The following VOPP1 variants were observed in gnomAD, a reference collection of about 807,000 sequenced individuals.
VOPP1 encodes the protein VOPP1 WW domain binding protein.
A neutral mutation model predicts 23.5 loss-of-function variants in VOPP1; 8 were observed. That is an observed-to-expected ratio of 0.34 (90% confidence interval 0.20 to 0.61). The LOEUF (loss-of-function observed/expected upper bound fraction) is 0.61. Ranked by LOEUF, VOPP1 falls within the 20% of genes least tolerant of loss-of-function variation. The pLI is 0.78. For missense variants in VOPP1, 174 were observed against 238.1 expected (o/e 0.73, Z 1.77); for synonymous variants, 83 against 97.3 (o/e 0.85, Z 0.86).
intron 2 of VOPP1, among the ~76,000 whole-genome samples, chr7:55,516,918 ATATATATATATATATTTTTTTTTTTTT>A (rs1795455717): frequency 3.1e-5 from 1 of 32,340 alleles, no homozygotes; most frequent in African/African-American, 1.6e-4. Flanking sequence ...ATATATATAT[ATATATATATATATATTTTTTTTTTTTT>A]TTTTTTTTTT....
At chr7:55,527,941 A>C (rs1325767994) in intron 1 of VOPP1, among the ~76,000 whole-genome samples, 1 of 39,176 alleles carries the variant, frequency 2.6e-5, no homozygotes, top group Admixed American at 3.1e-4. Context: ...ACAAGAGCAT[A>C]AGGGAAAAAA....
At chr7:55,485,840 C>T (rs1022650987) in intron 4 of VOPP1, among the ~76,000 whole-genome samples, 1 of 152,244 alleles carries the variant, frequency 6.6e-6, no homozygotes, top group African/African-American at 2.4e-5. Flanking sequence ...CTCATCCGCC[C>T]CTCGGAAGGG....
At chr7:55,474,943 T>C (rs2129008972) in intron 4 of VOPP1, among the ~76,000 whole-genome samples, 1 of 152,286 alleles carries the variant, frequency 6.6e-6, no homozygotes, top group East Asian at 1.9e-4. Context: ...TGATGTTCTC[T>C]CCCCAGCTGA....
chr7:55,546,374 C>T (rs752097254), intron 1 of VOPP1, among the ~76,000 whole-genome samples: 6 of 152,130 alleles, frequency 3.9e-5, no homozygotes, highest in African/African-American at 9.7e-5. Context: ...CTCTATGGAC[C>T]GTGAGGTGGT....
In VOPP1 at chr7:55,568,224, C is replaced by T. The variant is rs192123345; in HGVS notation, c.54+4047G>A. 4.0e-3 allele frequency among the ~76,000 whole-genome samples: 610 copies of T among 152,008 alleles called. 3 individuals are homozygous for T. The highest frequency in any genetic ancestry group is 8.7e-3 in the South Asian group (42 of 4,810). The stretch of plus-strand genomic sequence containing the variant: ...CCTCCCGAGTAGCTGGGACTACAGG[C>T]GCCCGCCACCACGCCCAGCTAATTT... On this transcript the variant is annotated intron_variant, in intron 1 of 4. Coordinates refer to ENST00000285279, the MANE Select transcript of VOPP1 (RefSeq NM_030796.5).
At chr7:55,516,932 ATTTTTTTTTTTTTTTT>A (rs71031862) in intron 2 of VOPP1, among the ~76,000 whole-genome samples, 4 of 45,154 alleles carry the variant, frequency 8.9e-5, no homozygotes, top group South Asian at 1.2e-3. Context: ...ATATATATAT[ATTTTTTTTTTTTTTTT>A]TTTTTTTTTT....
chr7:55,453,136 C>G (rs557119215), intron 4 of VOPP1, among the ~76,000 whole-genome samples: 12 of 152,240 alleles, frequency 7.9e-5, no homozygotes, highest in Non-Finnish European at 1.3e-4. Context: ...TCAGCACTTT[C>G]TGCTGCACCC....
chr7:55,571,087 G>A (rs963654472), intron 1 of VOPP1, among the ~76,000 whole-genome samples: 6 of 152,166 alleles, frequency 3.9e-5, no homozygotes, highest in Admixed American at 1.3e-4. Context: ...CTCAGAGAAT[G>A]TGATTCCTAA....
intron 1 of VOPP1, among the ~76,000 whole-genome samples, chr7:55,542,303 T>C (rs531695569): frequency 5.9e-5 from 9 of 152,332 alleles, no homozygotes; most frequent in African/African-American, 2.2e-4. Context: ...TTGAAATATA[T>C]AATTAATTTT....
At chr7:55,446,648 C>CAA (rs1791108569) in intron 4 of VOPP1, among the ~76,000 whole-genome samples, 1 of 152,206 alleles carries the variant, frequency 6.6e-6, no homozygotes, top group Admixed American at 6.5e-5. Flanking sequence ...TGATCTTCAA[C>CAA]AAACATCTTC....
chr7:55,492,458 G>C (rs780464596), intron 3 of VOPP1, 40 bp from the exon 4 acceptor site: 1 of 1,568,734 alleles, frequency 6.4e-7, no homozygotes, highest in East Asian at 2.3e-5. Context: ...CTCCCAGGTG[G>C]GGGCCCTGAG....
At chr7:55,493,116 T>C (rs771603407) in intron 3 of VOPP1, 2 of 152,248 alleles carry the variant, frequency 1.3e-5, no homozygotes, top group Non-Finnish European at 1.5e-5. Flanking sequence ...TGAATTCTCA[T>C]TGACTATCAC....
At chr7:55,513,071 C>T (rs117107361) in intron 2 of VOPP1, among the ~76,000 whole-genome samples, 1,672 of 152,354 alleles carry the variant, frequency 0.011, 11 homozygotes, top group Middle Eastern at 0.02. Context: ...AATATAAGCA[C>T]TTTAAAAAGA....
At chr7:55,526,170 G>A (rs756936128) in intron 1 of VOPP1, among the ~76,000 whole-genome samples, 3 of 152,338 alleles carry the variant, frequency 2.0e-5, no homozygotes, top group Non-Finnish European at 4.4e-5. Flanking sequence ...TATGAACACG[G>A]CAGAGGGTGT....
intron 1 of VOPP1, among the ~76,000 whole-genome samples, chr7:55,568,081 C>CTTTTTT (rs60284804): frequency 8.1e-6 from 1 of 124,040 alleles, no homozygotes; most frequent in Non-Finnish European, 1.6e-5. Context: ...ACAACTATTC[C>CTTTTTT]TTTTTTTTTT....
chr7:55,486,900 A>G (rs1392346482), intron 4 of VOPP1, among the ~76,000 whole-genome samples: 1 of 152,174 alleles, frequency 6.6e-6, no homozygotes, highest in African/African-American at 2.4e-5. Flanking sequence ...CCAAGGCCAC[A>G]CACCCTGGGT....
Position 55,515,878 on chromosome 7 carries a change from G to T in VOPP1, c.113+5194C>A, listed in dbSNP as rs951629929. On this transcript the variant is annotated intron_variant, in intron 2 of 4. Transcript: ENST00000285279. Reference sequence around the variant, plus strand: ...CGGCAGCACTTTCTGGACTGACAGGGAAGTGTGCTGTTTGCTGCTTTGGAT... The same window carrying T: ...CGGCAGCACTTTCTGGACTGACAGGTAAGTGTGCTGTTTGCTGCTTTGGAT... 40 of 739,258 alleles carry T rather than the reference G, an allele frequency of 5.4e-5. No individual in the cohort carries two copies. In the African/African-American group the frequency reaches 6.5e-4, roughly 12 times the overall value. The allele number at this position is 739,258 out of a possible 1,614,324, so 45.8% of individuals were successfully genotyped here. A position where few individuals can be genotyped will look rare whatever the true frequency, so the allele number is the denominator to read the frequency against.
chr7:55,480,550 C>A (rs777254573), intron 4 of VOPP1, among the ~76,000 whole-genome samples: 2 of 152,178 alleles, frequency 1.3e-5, no homozygotes, highest in Non-Finnish European at 2.9e-5. Flanking sequence ...CTGATTTTTA[C>A]AATTAATTTG....
At chr7:55,479,346 C>T (rs536886412) in intron 4 of VOPP1, among the ~76,000 whole-genome samples, 1 of 151,128 alleles carries the variant, frequency 6.6e-6, no homozygotes, top group East Asian at 2.0e-4. Flanking sequence ...TGATGTTCCC[C>T]TTCCTGTGTC....
Sources: gnomAD v4.1 joint callset for allele counts (sites outside exome capture counted in the v4.1 genomes callset) on GRCh38, gnomAD v4.1.1 for gene constraint, MANE v1.5 for transcripts, NCBI Gene and HGNC (gene_info 2026-07-23, HGNC 2026-07-21) for gene names.